Variants in TENM3 observed in about 807,000 individuals in gnomAD.
TENM3 encodes teneurin transmembrane protein 3, also known as teneurin-3.
TENM3 carries 63 observed loss-of-function variants against 255.1 expected under a neutral mutation model. The ratio of observed to expected loss-of-function variants is 0.25; its 90% CI spans 0.20 to 0.30. The LOEUF is 0.30. TENM3 is among the 10% of genes least tolerant of loss of function. The probability of loss-of-function intolerance (pLI) is 1.00; values close to 1 mark genes in which losing one functional copy is unlikely to be tolerated. For synonymous variants in TENM3, 1,306 were observed against 1,322.3 expected (o/e 0.99, Z 0.27); for missense variants, 2,929 against 3,461.1 (o/e 0.85, Z 3.86).
At chr4:182,696,616 T>C (rs1265861079) in intron 12 of TENM3, among the ~76,000 whole-genome samples, 1 of 152,018 alleles carries the variant, frequency 6.6e-6, no homozygotes, top group Non-Finnish European at 1.5e-5. Flanking sequence ...TCCCAGCTAC[T>C]TGGGAGGCTG....
At chr4:182,379,804 G>A (rs1358183293) in intron 3 of TENM3, among the ~76,000 whole-genome samples, 3 of 152,110 alleles carry the variant, frequency 2.0e-5, no homozygotes, top group Non-Finnish European at 4.4e-5. Context: ...ACAGTTTTCT[G>A]CATCTCTTGG....
chr4:182,534,050 T>G (rs192978189), intron 3 of TENM3, among the ~76,000 whole-genome samples: 1 of 152,366 alleles, frequency 6.6e-6, no homozygotes, highest in Admixed American at 6.5e-5. Context: ...GCTTGCTCAT[T>G]GATTCAGTAG....
At chr4:182,286,237 A>G (rs1380755803) in intron 1 of TENM3, among the ~76,000 whole-genome samples, 5 of 152,216 alleles carry the variant, frequency 3.3e-5, no homozygotes, top group Non-Finnish European at 1.5e-5. Context: ...TGTCTTTGCC[A>G]CAAGGAACAG....
At chr4:182,674,984 C>G (rs193185592) in intron 7 of TENM3, among the ~76,000 whole-genome samples, 35 of 152,238 alleles carry the variant, frequency 2.3e-4, no homozygotes, top group African/African-American at 8.2e-4. Flanking sequence ...TCAAGTGATT[C>G]TCCAGCCTCA....
chr4:181,769,676 A>G, the TENM3 span, among the ~76,000 whole-genome samples: 9,960 of 152,278 alleles, frequency 0.065, 340 homozygotes, highest in Middle Eastern at 0.13. Context: ...TGCAGTGATT[A>G]GGTGTAGTCT....
Position 182,324,062 on chromosome 4 carries a change from G to A in TENM3, c.42G>A (p.Lys14=). 6.2e-7 allele frequency: 1 copy of A among 1,613,988 alleles called. No individual in the cohort carries two copies. The highest frequency in any genetic ancestry group is 8.5e-7 in the Non-Finnish European group (1 of 1,179,900). The part of the protein sequence containing the change: ...KERRPYCSLT[K]SRREKERRYT... Reference sequence around the variant, plus strand: ...GCAGGCCTTACTGCTCCCTGACCAAGAGCAGACGAGAGAAGGAACGGCGCT... The same window carrying A: ...GCAGGCCTTACTGCTCCCTGACCAAAAGCAGACGAGAGAAGGAACGGCGCT... Residue 14 remains lysine, a synonymous_variant, in exon 2 of 28, where the codon AAG becomes AAA. Transcript: ENST00000511685.
chr4:181,662,153 G>A, the TENM3 span, among the ~76,000 whole-genome samples: 63 of 152,248 alleles, frequency 4.1e-4, no homozygotes, highest in African/African-American at 1.4e-3. Context: ...ATTTATTCAT[G>A]CCAGAATGTA....
At chr4:182,118,569 G>A in the TENM3 span, among the ~76,000 whole-genome samples, 21 of 150,514 alleles carry the variant, frequency 1.4e-4, no homozygotes, top group East Asian at 3.2e-3. Context: ...GCATGAGCCT[G>A]TAACTGTGCC....
chr4:181,570,353 T>C, the TENM3 span, among the ~76,000 whole-genome samples: 4 of 152,200 alleles, frequency 2.6e-5, no homozygotes, highest in African/African-American at 9.6e-5. Context: ...TTAAAAAACG[T>C]ATCCAGGCGT....
At chr4:182,162,331 T>G (rs139553043) in intron 1 of TENM3, among the ~76,000 whole-genome samples, 104 of 152,300 alleles carry the variant, frequency 6.8e-4, no homozygotes, top group African/African-American at 2.0e-3. Context: ...AACATTGGCT[T>G]AGGCTCTGTG....
chr4:182,621,340 T>C (rs926755223), intron 4 of TENM3, among the ~76,000 whole-genome samples: 1 of 151,924 alleles, frequency 6.6e-6, no homozygotes, highest in Non-Finnish European at 1.5e-5. Flanking sequence ...GTATTTATTA[T>C]GCACGTACAT....
chr4:182,061,200 C>A, the TENM3 span, among the ~76,000 whole-genome samples: 5 of 152,182 alleles, frequency 3.3e-5, no homozygotes, highest in South Asian at 4.1e-4. Flanking sequence ...CCTCTTCTAG[C>A]GCTTTGCACA....
chr4:182,735,240 A>G (rs77020967), intron 16 of TENM3, among the ~76,000 whole-genome samples: 2,695 of 152,304 alleles, frequency 0.018, 62 homozygotes, highest in South Asian at 0.097. Context: ...GAAAACTCCA[A>G]TGGTAATAAA....
At chr4:182,071,955 A>G in the TENM3 span, among the ~76,000 whole-genome samples, 2 of 152,294 alleles carry the variant, frequency 1.3e-5, no homozygotes, top group East Asian at 3.9e-4. Context: ...AAACAAAACA[A>G]AACAAAAAAA....
At chr4:182,088,849 AAAAG>A in the TENM3 span, among the ~76,000 whole-genome samples, 1 of 142,928 alleles carries the variant, frequency 7.0e-6, no homozygotes, top group Non-Finnish European at 1.6e-5. Flanking sequence ...AAAAAAAAAA[AAAAG>A]AGAGAGACAG....
chr4:181,979,230 T>C, the TENM3 span, among the ~76,000 whole-genome samples: 1 of 147,094 alleles, frequency 6.8e-6, no homozygotes, highest in Non-Finnish European at 1.5e-5. Flanking sequence ...ATAGAGTTTT[T>C]TTTCTTCGTA....
At position 182,671,198 on chromosome 4, in the gene TENM3, A is replaced by G. The variant is rs144805857; in HGVS notation, c.1112-1807A>G. ...CTCATGGAATCCTTGTAACGGTGCA[A>G]TCATTATGTTACTCTCCCCATTTTC... On this transcript the variant is annotated intron_variant, in intron 6 of 27. Coordinates refer to ENST00000511685, the MANE Select transcript of TENM3 (RefSeq NM_001080477.4). Among the ~76,000 whole-genome samples the G allele has an allele frequency of 5.5e-3, 832 of 152,222 alleles. 5 individuals carry two copies. Among genetic ancestry groups the G allele is most frequent in the Admixed American group, 7.6e-3 (116 of 15,288 alleles).
intron 3 of TENM3, among the ~76,000 whole-genome samples, chr4:182,464,153 C>A (rs1732347537): frequency 6.6e-6 from 1 of 152,094 alleles, no homozygotes; most frequent in Admixed American, 6.6e-5. Flanking sequence ...GCTAAAAATA[C>A]TGTATTAATG....
the TENM3 span, among the ~76,000 whole-genome samples, chr4:181,616,141 G>A: frequency 6.6e-6 from 1 of 151,612 alleles, no homozygotes; most frequent in Non-Finnish European, 1.5e-5. Flanking sequence ...TAATCCTTTA[G>A]GTAATTTTTA....
Sources: gnomAD v4.1 joint callset for allele counts (sites outside exome capture counted in the v4.1 genomes callset) on GRCh38, gnomAD v4.1.1 for gene constraint, MANE v1.5 for transcripts, NCBI Gene and HGNC (gene_info 2026-07-23, HGNC 2026-07-21) for gene names.